The following SOX6 variants were observed in gnomAD, a reference collection of about 807,000 sequenced individuals.
SOX6 encodes SRY-box transcription factor 6, also known as transcription factor SOX-6.
A neutral mutation model predicts 97.8 loss-of-function variants in SOX6; 11 were observed. The observed-to-expected ratio is 0.11, with a 90% confidence interval of 0.07 to 0.19. The LOEUF (loss-of-function observed/expected upper bound fraction) is 0.19, where lower values mean the gene tolerates loss of function less well. SOX6 is among the 10% of genes least tolerant of loss of function. The pLI is 1.00. For synonymous variants in SOX6, 360 were observed against 371.4 expected, an observed-to-expected ratio of 0.97 and a Z score of 0.35; for missense variants, 810 against 1,039.5, an observed-to-expected ratio of 0.78 and a Z score of 3.04.
At chr11:16,648,683 T>C (rs1039576341) in intron 3 of SOX6, among the ~76,000 whole-genome samples, 1 of 152,128 alleles carries the variant, frequency 6.6e-6, no homozygotes, top group Non-Finnish European at 1.5e-5. Flanking sequence ...GAGAAGGAAC[T>C]AGAAAAGTAC....
intron 4 of SOX6, chr11:16,576,935 T>C (rs1847990069): frequency 6.6e-6 from 1 of 152,196 alleles, no homozygotes; most frequent in Non-Finnish European, 1.5e-5. Flanking sequence ...AGTTCTGGAC[T>C]GTAGTGTGAT....
At chr11:16,339,663 A>T (rs1856567624) in intron 2 of SOX6, among the ~76,000 whole-genome samples, 1 of 151,836 alleles carries the variant, frequency 6.6e-6, no homozygotes, top group African/African-American at 2.4e-5. Flanking sequence ...CAGACTATAA[A>T]CTCCATGAAG....
intron 2 of SOX6, among the ~76,000 whole-genome samples, chr11:16,726,108 T>C (rs1659020918): frequency 6.6e-6 from 1 of 152,208 alleles, no homozygotes; most frequent in Non-Finnish European, 1.5e-5. Flanking sequence ...GATGAAAATG[T>C]TATAAAATCA....
rs1013400255 is a variant in SOX6, at chr11:16,554,298, C to G, written n.609+57783G>C. Among the ~76,000 whole-genome samples the G allele has an allele frequency of 3.7e-4, 57 of 152,072 alleles. 1 individual carries two copies. The highest frequency in any genetic ancestry group is 3.7e-3 in the Admixed American group (57 of 15,242). On this transcript the variant is annotated intron_variant and non_coding_transcript_variant, in intron 4 of 5. Transcript: ENST00000524520. ...AATCATATTTCTGTTCGTTATTAGTCTGGGAGGGCAATGCATCAGCCAAAA... is the reference window on the plus strand; with the variant it reads ...AATCATATTTCTGTTCGTTATTAGTGTGGGAGGGCAATGCATCAGCCAAAA...
intron 4 of SOX6, among the ~76,000 whole-genome samples, chr11:16,538,107 A>T (rs1861338003): frequency 6.6e-6 from 1 of 152,214 alleles, no homozygotes; most frequent in African/African-American, 2.4e-5. Context: ...AGGGAAGCCC[A>T]TAAGACTAAC....
At chr11:16,242,883 G>A (rs1853235029) in intron 3 of SOX6, among the ~76,000 whole-genome samples, 1 of 151,830 alleles carries the variant, frequency 6.6e-6, no homozygotes, top group African/African-American at 2.4e-5. Flanking sequence ...ACCCTTTATA[G>A]TTTGACCCTG....
intron 2 of SOX6, among the ~76,000 whole-genome samples, chr11:16,331,249 G>A (rs1319756308): frequency 6.6e-6 from 1 of 152,090 alleles, no homozygotes; most frequent in African/African-American, 2.4e-5. Flanking sequence ...AATAACTCAT[G>A]GTATGCTCTT....
chr11:16,717,678 CTCTT>C (rs904298779), intron 2 of SOX6, among the ~76,000 whole-genome samples: 11 of 152,112 alleles, frequency 7.2e-5, no homozygotes, highest in Non-Finnish European at 1.5e-4. Context: ...ACACACTACC[CTCTT>C]TCTCTTACTT....
chr11:16,713,169 A>G (rs369212137), intron 3 of SOX6, among the ~76,000 whole-genome samples: 58 of 152,322 alleles, frequency 3.8e-4, no homozygotes, highest in African/African-American at 1.3e-3. Context: ...AGGTGCATCC[A>G]AACTATACCT....
chr11:15,973,227 A>T, intron 15 of SOX6, 115 bp from the exon 16 acceptor site: 2 of 998,784 alleles, frequency 2.0e-6, no homozygotes, highest in Non-Finnish European at 3.0e-6. Context: ...ATAAATGTTA[A>T]ATAACATTCT....
At chr11:16,541,628 A>G (rs1861410394) in intron 4 of SOX6, among the ~76,000 whole-genome samples, 3 of 152,312 alleles carry the variant, frequency 2.0e-5, no homozygotes, top group South Asian at 4.1e-4. Flanking sequence ...AAGAAAAAAA[A>G]CAACCCTATC....
intron 6 of SOX6, among the ~76,000 whole-genome samples, chr11:16,176,630 T>C (rs955938519): frequency 1.3e-5 from 2 of 151,930 alleles, no homozygotes; most frequent in Admixed American, 1.3e-4. Context: ...TGTAGGTATA[T>C]ACCCACAGCT....
At chr11:16,281,190 A>G (rs1193695261) in intron 3 of SOX6, among the ~76,000 whole-genome samples, 1 of 152,108 alleles carries the variant, frequency 6.6e-6, no homozygotes, top group East Asian at 1.9e-4. Context: ...ACCCCTTTAA[A>G]AAATAAAATT....
intron 3 of SOX6, among the ~76,000 whole-genome samples, chr11:16,299,002 C>T (rs929004379): frequency 1.3e-5 from 2 of 152,008 alleles, no homozygotes; most frequent in African/African-American, 4.8e-5. Flanking sequence ...GGTATTAAAC[C>T]TCTGAAAAGC....
intron 3 of SOX6, among the ~76,000 whole-genome samples, chr11:16,666,995 G>A (rs1447115244): frequency 6.6e-6 from 1 of 151,862 alleles, no homozygotes; most frequent in Non-Finnish European, 1.5e-5. Flanking sequence ...CCAGCACATT[G>A]GGAAGCCAAG....
At chr11:16,132,328 AAGG>A (rs1590216150) in intron 6 of SOX6, among the ~76,000 whole-genome samples, 130 of 108,844 alleles carry the variant, frequency 1.2e-3, no homozygotes, top group East Asian at 4.0e-3. Context: ...GGAAGGAAGG[AAGG>A]AAAGAAAAAA....
intron 3 of SOX6, among the ~76,000 whole-genome samples, chr11:16,236,220 C>G (rs1004248734): frequency 6.6e-6 from 1 of 152,006 alleles, no homozygotes; most frequent in African/African-American, 2.4e-5. Context: ...AGCCTACATG[C>G]AGATGCATAT....
At chr11:16,442,583 C>T (rs1321671565) in intron 1 of SOX6, among the ~76,000 whole-genome samples, 2 of 152,074 alleles carry the variant, frequency 1.3e-5, no homozygotes, top group African/African-American at 4.8e-5. Flanking sequence ...TGCATATCTA[C>T]TGCCTTTACT....
chr11:16,582,146 C>A lies in SOX6; in HGVS notation n.609+29935G>T, dbSNP rs572206843. The stretch of plus-strand genomic sequence containing the variant: ...GACATAAAGATTGAAACAATAAATA[C>A]CAGCGACTACCTGGGGAGGAAGTAA... On this transcript the variant is annotated intron_variant and non_coding_transcript_variant, in intron 4 of 5. Coordinates refer to the SOX6 transcript ENST00000524520. Among the ~76,000 whole-genome samples, 10 of 151,936 alleles carry A rather than the reference C, an allele frequency of 6.6e-5. No homozygotes were observed. The East Asian group carries it at 1.4e-3, about 21-fold the overall frequency.
Sources: gnomAD v4.1 joint callset for allele counts (sites outside exome capture counted in the v4.1 genomes callset) on GRCh38, gnomAD v4.1.1 for gene constraint, MANE v1.5 for transcripts, NCBI Gene and HGNC (gene_info 2026-07-23, HGNC 2026-07-21) for gene names.